Variants in TCF7L2 observed in about 807,000 individuals in gnomAD.
TCF7L2 encodes transcription factor 7-like 2.
A neutral mutation model predicts 77.9 loss-of-function variants in TCF7L2; 23 were observed. The observed-to-expected ratio is 0.30, with a 90% CI of 0.21 to 0.42. The LOEUF (loss-of-function observed/expected upper bound fraction) is 0.42. Among genes scored for constraint, TCF7L2 ranks in the 10% least tolerant of loss-of-function variants. TCF7L2 has a pLI of 1.00. For synonymous variants in TCF7L2, 413 were observed against 340.2 expected, an observed-to-expected ratio of 1.21 and a Z score of -2.36; for missense variants, 654 against 793.1, an observed-to-expected ratio of 0.82 and a Z score of 2.11.
chr10:113,143,067 G>A (rs2068666645), intron 6 of TCF7L2, among the ~76,000 whole-genome samples: 1 of 152,178 alleles, frequency 6.6e-6, no homozygotes, highest in Non-Finnish European at 1.5e-5. Context: ...TTAATTCTGT[G>A]GTATTGTGCC....
chr10:113,146,191 T>G (rs2069355908), intron 8 of TCF7L2, 94 bp downstream of exon 8: 2 of 1,127,082 alleles, frequency 1.8e-6, no homozygotes, highest in African/African-American at 3.1e-5. Flanking sequence ...GGACCACAGC[T>G]ACATGTAGTT....
intron 5 of TCF7L2, among the ~76,000 whole-genome samples, chr10:113,053,882 C>T (rs1348841172): frequency 2.0e-5 from 3 of 152,210 alleles, no homozygotes; most frequent in Non-Finnish European, 2.9e-5. Flanking sequence ...GGATGACGTA[C>T]TCAAGGTCAC....
chr10:112,951,408 T>A (rs2031206881), intron 2 of TCF7L2, 75 bp from the exon 3 acceptor site: 1 of 1,272,806 alleles, frequency 7.9e-7, no homozygotes, highest in South Asian at 1.4e-5. Context: ...CTCGGGGCAC[T>A]TTCTAAAAAG....
chr10:113,057,458 A>ACC (rs1353234513), intron 5 of TCF7L2, among the ~76,000 whole-genome samples: 1 of 152,160 alleles, frequency 6.6e-6, no homozygotes, highest in African/African-American at 2.4e-5. Context: ...GGCGTGAGTC[A>ACC]CCGAGCCTGG....
chr10:113,098,049 C>CAAAAAAA (rs34632183), intron 5 of TCF7L2, among the ~76,000 whole-genome samples: 5 of 59,366 alleles, frequency 8.4e-5, no homozygotes, highest in Non-Finnish European at 1.2e-4. Flanking sequence ...GACTCTGTCT[C>CAAAAAAA]AAAAAAAAAA....
intron 5 of TCF7L2, among the ~76,000 whole-genome samples, chr10:113,054,566 A>T (rs543175262): frequency 5.3e-5 from 8 of 152,248 alleles, no homozygotes; most frequent in Middle Eastern, 3.4e-3. Context: ...AGCTTTTTTT[A>T]AAATTAAAAC....
chr10:113,104,190 T>C (rs2061990466), intron 5 of TCF7L2, among the ~76,000 whole-genome samples: 1 of 152,140 alleles, frequency 6.6e-6, no homozygotes, highest in South Asian at 2.1e-4. Flanking sequence ...TCGTGGGAGC[T>C]TGAAGGATTT....
At chr10:112,984,406 T>C (rs2041096415) in intron 4 of TCF7L2, among the ~76,000 whole-genome samples, 1 of 152,164 alleles carries the variant, frequency 6.6e-6, no homozygotes, top group Non-Finnish European at 1.5e-5. Flanking sequence ...CTCTAATTTG[T>C]CCCGGGCATT....
chr10:112,974,913 A>G (rs2039084114), intron 4 of TCF7L2, among the ~76,000 whole-genome samples: 1 of 152,000 alleles, frequency 6.6e-6, no homozygotes, highest in African/African-American at 2.4e-5. Flanking sequence ...TTGTTTCTTG[A>G]GTTTGATTTG....
intron 5 of TCF7L2, among the ~76,000 whole-genome samples, chr10:113,056,671 C>T (rs1043450069): frequency 6.6e-6 from 1 of 152,128 alleles, no homozygotes; most frequent in Admixed American, 6.5e-5. Flanking sequence ...CCATTTATTT[C>T]GAGTACACTG....
chr10:112,979,057 G>A (rs1370323304), intron 4 of TCF7L2, among the ~76,000 whole-genome samples: 3 of 152,086 alleles, frequency 2.0e-5, no homozygotes, highest in Admixed American at 2.0e-4. Context: ...ATGTGGGGAG[G>A]AGGTGCTAAA....
At chr10:113,131,496 G>A (rs953879352) in intron 5 of TCF7L2, among the ~76,000 whole-genome samples, 1 of 152,196 alleles carries the variant, frequency 6.6e-6, no homozygotes, top group African/African-American at 2.4e-5. Context: ...AGTCTCCCAT[G>A]TTGAGGTTCT....
chr10:112,960,735 C>T (rs934940691), intron 3 of TCF7L2, among the ~76,000 whole-genome samples: 4 of 151,788 alleles, frequency 2.6e-5, no homozygotes, highest in Admixed American at 6.6e-5. Flanking sequence ...TTTTCCAGGC[C>T]GGAGTGCAGT....
At chr10:113,117,386 T>C (rs947517711) in intron 5 of TCF7L2, among the ~76,000 whole-genome samples, 60 of 24,260 alleles carry the variant, frequency 2.5e-3, no homozygotes, top group South Asian at 5.3e-3. Context: ...TCTCTCTCTC[T>C]CTCTCTCTCT....
chr10:112,971,717 A>G (rs2038295074), intron 4 of TCF7L2, among the ~76,000 whole-genome samples: 1 of 151,262 alleles, frequency 6.6e-6, no homozygotes, highest in Non-Finnish European at 1.5e-5. Flanking sequence ...GGTTCAAGCA[A>G]TTCTCCCGCC....
intron 5 of TCF7L2, among the ~76,000 whole-genome samples, chr10:113,134,165 T>G (rs181513141): frequency 6.6e-6 from 1 of 152,266 alleles, no homozygotes; most frequent in East Asian, 1.9e-4. Context: ...AGGAGCAACA[T>G]TCAACTAAGG....
intron 4 of TCF7L2, among the ~76,000 whole-genome samples, chr10:113,019,697 G>A (rs1398012459): frequency 6.6e-6 from 1 of 152,180 alleles, no homozygotes; most frequent in Non-Finnish European, 1.5e-5. Flanking sequence ...ATTGTCAAAG[G>A]TGGTTGATTT....
At chr10:113,075,194 T>C (rs79414109) in intron 5 of TCF7L2, among the ~76,000 whole-genome samples, 1 of 152,126 alleles carries the variant, frequency 6.6e-6, no homozygotes, top group Non-Finnish European at 1.5e-5. Context: ...AATGGTGGCT[T>C]ATGCCTGTAA....
chr10:113,122,082 A>G (rs2064895426), intron 5 of TCF7L2, among the ~76,000 whole-genome samples: 1 of 152,238 alleles, frequency 6.6e-6, no homozygotes, highest in Admixed American at 6.5e-5. Context: ...ATCAGCATAC[A>G]AAGAATCAAA....
Sources: allele counts gnomAD v4.1 joint callset (sites outside exome capture counted in the v4.1 genomes callset), GRCh38; gene constraint gnomAD v4.1.1; transcripts MANE v1.5; gene names NCBI Gene and HGNC (gene_info 2026-07-23, HGNC 2026-07-21).